Variants in PCIF1 observed in about 807,000 individuals in gnomAD.
PCIF1 encodes mRNA (2'-O-methyladenosine-N(6)-)-methyltransferase.
Under a neutral mutation model 86.9 loss-of-function variants are expected in PCIF1, and 12 were observed. That is an observed-to-expected ratio of 0.14 (90% confidence interval 0.09 to 0.22). PCIF1 has a LOEUF of 0.22. Among genes scored for constraint, PCIF1 ranks in the 10% least tolerant of loss-of-function variants. The probability of loss-of-function intolerance (pLI) is 1.00; values close to 1 mark genes in which losing one functional copy is unlikely to be tolerated. For synonymous variants in PCIF1, 397 were observed against 372.0 expected (o/e 1.07, Z -0.77); for missense variants, 701 against 951.1 (o/e 0.74, Z 3.46).
intron 4 of PCIF1, 98 bp from the exon 5 acceptor site, chr20:45,940,377 A>G (rs2083458947): frequency 7.2e-7 from 1 of 1,390,442 alleles, no homozygotes; most frequent in Non-Finnish European, 9.5e-7. Flanking sequence ...CTCTTCCCTA[A>G]GGAGTAGGAG....
Position 45,947,564 on chromosome 20 carries a change from C to T in PCIF1, c.1924C>T (p.Leu642Phe). ...HYKAVHNTAV[L>F]FLQNDPGFAK... The stretch of plus-strand genomic sequence containing the variant: ...CAAGGCCGTCCACAACACGGCTGTG[C>T]TCTTCCTACAGAACGACCCTGGCTT... Residue 642 changes from leucine to phenylalanine, a missense_variant, in exon 17 of 17, where the codon CTC (leucine) becomes TTC (phenylalanine). Leu to Phe is a conservative substitution (Grantham distance 22, BLOSUM62 0). This residue lies in a region of PCIF1 where 174 missense variants were observed against 206.9 expected (regional missense o/e 0.84). Transcript: ENST00000372409. This position sits in a 1 kb window ranked among gnomAD's most constrained non-coding sequence, Gnocchi z 5.4. 6.2e-7 allele frequency: 1 copy of T among 1,613,634 alleles called. No individual in the cohort carries two copies. The highest frequency in any genetic ancestry group is 8.5e-7 in the Non-Finnish European group (1 of 1,180,010).
intron 2 of PCIF1, 175 bp downstream of exon 2, chr20:45,937,760 C>T (rs989621582): frequency 2.8e-5 from 11 of 394,836 alleles, no homozygotes; most frequent in Non-Finnish European, 4.9e-5. Context: ...GTCCTGTTGC[C>T]CCCTGCATTT....
chr20:45,947,446 C>T lies in PCIF1; in HGVS notation c.1883+8C>T, dbSNP rs1480810229. Reference sequence around the variant, plus strand: ...CCAGCACATCTGCAAGAAGTGGGTGCCAGGGAGGGCAGGGGAAGGAGGCTG... The same window carrying T: ...CCAGCACATCTGCAAGAAGTGGGTGTCAGGGAGGGCAGGGGAAGGAGGCTG... On this transcript the variant is annotated splice_region_variant and intron_variant, in intron 16 of 16. Transcript: ENST00000372409. This position sits in a 1 kb window ranked among gnomAD's most constrained non-coding sequence, Gnocchi z 5.4. The T allele has an allele frequency of 6.2e-7, 1 of 1,613,718 alleles. No homozygotes were observed. Among genetic ancestry groups the T allele is most frequent in the Admixed American group, 1.7e-5 (1 of 60,020 alleles).
intron 1 of PCIF1, among the ~76,000 whole-genome samples, chr20:45,936,863 G>A (rs1036125160): frequency 1.3e-5 from 2 of 152,218 alleles, no homozygotes; most frequent in African/African-American, 4.8e-5. Context: ...AGGAGTTGGA[G>A]GTTGCAGTGA....
chr20:45,943,481 G>C lies in PCIF1; in HGVS notation c.905+58G>C. 2 of 1,540,960 alleles carry C rather than the reference G, an allele frequency of 1.3e-6. No individual in the cohort carries two copies. Among genetic ancestry groups the C allele is most frequent in the Non-Finnish European group, 1.8e-6 (2 of 1,121,926 alleles). On this transcript the variant is annotated intron_variant, in intron 9 of 16. Transcript: ENST00000372409. The surrounding 1 kb of genome is among the most constrained non-coding windows in gnomAD (Gnocchi z 5.5). ...TCTGTGATTAAAGTGGCAGGTCATA[G>C]GCCATCTTGCCCAGTCTCATGCAGG...
chr20:45,947,696 G>T lies in PCIF1; in HGVS notation c.2056G>T (p.Ala686Ser). 6.2e-7 allele frequency: 1 copy of T among 1,609,080 alleles called. No individual in the cohort carries two copies. Among genetic ancestry groups the T allele is most frequent in the Non-Finnish European group, 8.5e-7 (1 of 1,177,492 alleles). ...TTCTTCCTCATCGTCCTCCTCGGAG[G>T]CCAAGGACCGGGACTCGGGCCGTGA... ...SGSSSSSSSE[A>S]KDRDSGREQG... Residue 686 changes from alanine (A) to serine (S), a missense_variant, in exon 17 of 17, where the codon GCC becomes TCC. By Grantham distance (99) the Ala-to-Ser change is moderately conservative. Around this residue, in one of 7 missense-constraint regions of PCIF1, gnomAD observed 174 missense variants for 206.9 expected, o/e 0.84. Coordinates refer to ENST00000372409, the MANE Select transcript of PCIF1 (RefSeq NM_022104.4). This position sits in a 1 kb window ranked among gnomAD's most constrained non-coding sequence, Gnocchi z 5.4.
At position 45,947,477 on chromosome 20, in the gene PCIF1, G is replaced by A. The variant is rs778151642; in HGVS notation, c.1883+39G>A. On this transcript the variant is annotated intron_variant, in intron 16 of 16. Transcript: ENST00000372409. This position sits in a 1 kb window ranked among gnomAD's most constrained non-coding sequence, Gnocchi z 5.4. Reference sequence around the variant, plus strand: ...AGGGCAGGGGAAGGAGGCTGGGCTGGCCAGGCCAGGCCCAGCCCCACCCTG... The same window carrying A: ...AGGGCAGGGGAAGGAGGCTGGGCTGACCAGGCCAGGCCCAGCCCCACCCTG... 12 of 1,612,826 alleles carry A rather than the reference G, an allele frequency of 7.4e-6. No individual in the cohort carries two copies. Among genetic ancestry groups the A allele is most frequent in the Non-Finnish European group, 9.3e-6 (11 of 1,179,834 alleles).
At position 45,947,965 on chromosome 20, in the gene PCIF1, C is replaced by G; in HGVS notation, c.*210C>G. The G allele has an allele frequency of 6.5e-7, 1 of 1,531,690 alleles. No individual in the cohort carries two copies. Among genetic ancestry groups the G allele is most frequent in the Non-Finnish European group, 8.7e-7 (1 of 1,144,692 alleles). 94.9% of individuals were successfully genotyped at this position (1,531,690 alleles called of 1,614,324 possible). A position where few individuals can be genotyped will look rare whatever the true frequency, so the allele number is the denominator to read the frequency against. On this transcript the variant is annotated 3_prime_UTR_variant, in exon 17 of 17. Transcript: ENST00000372409. This position sits in a 1 kb window ranked among gnomAD's most constrained non-coding sequence, Gnocchi z 5.4. ...TCCTGATGCCTTCCCAACCCCGCCC[C>G]TCACCCTGTTGCCACCTTGTTTCAT...
Position 45,947,951 on chromosome 20 carries a change from T to A in PCIF1, c.*196T>A. On this transcript the variant is annotated 3_prime_UTR_variant, in exon 17 of 17. Coordinates refer to ENST00000372409, the MANE Select transcript of PCIF1 (RefSeq NM_022104.4). This position sits in a 1 kb window ranked among gnomAD's most constrained non-coding sequence, Gnocchi z 5.4. ...CCCATGTATATAGGTCCTGATGCCT[T>A]CCCAACCCCGCCCCTCACCCTGTTG... The A allele has an allele frequency of 6.5e-7, 1 of 1,532,456 alleles. No homozygotes were observed. The highest frequency in any genetic ancestry group is 8.7e-7 in the Non-Finnish European group (1 of 1,145,528). 94.9% of individuals were successfully genotyped at this position (1,532,456 alleles called of 1,614,324 possible).
chr20:45,944,586 A>G (rs1735977608), intron 10 of PCIF1, among the ~76,000 whole-genome samples: 2 of 152,228 alleles, frequency 1.3e-5, no homozygotes, highest in South Asian at 2.1e-4. Flanking sequence ...AGCTACTGGC[A>G]TTTATTGTAC....
At chr20:45,944,450 A>G (rs942985358) in intron 10 of PCIF1, among the ~76,000 whole-genome samples, 2 of 152,208 alleles carry the variant, frequency 1.3e-5, no homozygotes, top group Admixed American at 1.3e-4. Context: ...GTCTGCAGCA[A>G]CCAAGCACCC....
At chr20:45,935,610 C>T (rs1488903598) in intron 1 of PCIF1, among the ~76,000 whole-genome samples, 1 of 152,088 alleles carries the variant, frequency 6.6e-6, no homozygotes, top group African/African-American at 2.4e-5. Flanking sequence ...GCTGGTACTT[C>T]GGCCACAGAC....
chr20:45,936,950 C>T (rs1213395831), intron 1 of PCIF1, among the ~76,000 whole-genome samples: 1 of 152,130 alleles, frequency 6.6e-6, no homozygotes, highest in African/African-American at 2.4e-5. Flanking sequence ...ACCAACCAAA[C>T]AAAAAGCTTT....
intron 7 of PCIF1, among the ~76,000 whole-genome samples, chr20:45,942,001 C>T (rs1281124017): frequency 5.2e-5 from 7 of 134,878 alleles, no homozygotes; most frequent in South Asian, 4.7e-4. Flanking sequence ...CTTGAGACGG[C>T]GTCTCGCTCT....
rs2083448437 is a variant in PCIF1, at chr20:45,939,077, C to G, written c.78C>G (p.Ser26Arg). ...LSHSPGTSNQ[S>R]QPCSPKPIRL... ...ACTCCCCAGGTACCTCCAATCAGAG[C>G]CAGCCCTGTTCTCCAAAGCCAATCC... The change falls in exon 3 of 17, where the codon AGC becomes AGG. Residue 26 changes from serine to arginine, a missense_variant. Physicochemically the swap from Ser to Arg is moderately radical, Grantham distance 110 (BLOSUM62 -1). Transcript: ENST00000372409. The G allele has an allele frequency of 2.5e-6, 4 of 1,614,086 alleles. No individual in the cohort carries two copies. In the East Asian group the frequency reaches 6.7e-5, roughly 27 times the overall value.
rs1179156708 is a variant in PCIF1 at position 45,939,083 on chromosome 20, C to T, written c.84C>T (p.Pro28=). ...CAGGTACCTCCAATCAGAGCCAGCC[C>T]TGTTCTCCAAAGCCAATCCGCCTGG... ...HSPGTSNQSQ[P]CSPKPIRLVQ... Residue 28 remains proline, a synonymous_variant, in exon 3 of 17, where the codon CCC becomes CCT. Coordinates refer to ENST00000372409, the MANE Select transcript of PCIF1 (RefSeq NM_022104.4). 3 of 1,614,082 alleles carry T rather than the reference C, an allele frequency of 1.9e-6. No homozygotes were observed. Among genetic ancestry groups the T allele is most frequent in the Admixed American group, 1.7e-5 (1 of 60,004 alleles).
intron 1 of PCIF1, among the ~76,000 whole-genome samples, chr20:45,935,699 A>G (rs1215239963): frequency 6.6e-6 from 1 of 152,202 alleles, no homozygotes; most frequent in Non-Finnish European, 1.5e-5. Flanking sequence ...AATAGTGTGA[A>G]AAAATGAGTC....
Position 45,947,253 on chromosome 20 carries a change from C to G in PCIF1, c.1708-10C>G, listed in dbSNP as rs966528837. The G allele has an allele frequency of 1.9e-6, 3 of 1,606,734 alleles. No homozygotes were observed. In the African/African-American group the frequency reaches 4.0e-5, roughly 21 times the overall value. Reference sequence around the variant, plus strand: ...AGTCCCTGACATCCACCCTGTGTCCCCTTCCACAGAGACTGCTTGAGAGCT... The same window carrying G: ...AGTCCCTGACATCCACCCTGTGTCCGCTTCCACAGAGACTGCTTGAGAGCT... On this transcript the variant is annotated splice_polypyrimidine_tract_variant and intron_variant, in intron 15 of 16. Coordinates refer to ENST00000372409, the MANE Select transcript of PCIF1 (RefSeq NM_022104.4). The surrounding 1 kb of genome is among the most constrained non-coding windows in gnomAD (Gnocchi z 5.4).
chr20:45,946,507 C>T (rs952477889), intron 14 of PCIF1, 123 bp downstream of exon 14: 50 of 1,172,308 alleles, frequency 4.3e-5, no homozygotes, highest in East Asian at 1.2e-4. Context: ...CACCTCTTAC[C>T]GGCTATGTGA....
Sources: gnomAD v4.1 joint callset for allele counts (sites outside exome capture counted in the v4.1 genomes callset) on GRCh38, gnomAD v4.1.1 for gene constraint, gnomAD v4.1.1 regional missense constraint, Gnocchi (gnomAD v3.1) non-coding constraint, MANE v1.5 for transcripts, NCBI Gene and HGNC (gene_info 2026-07-23, HGNC 2026-07-21) for gene names.